Variants in LMO7 observed in about 807,000 individuals in gnomAD.
The protein encoded by LMO7 is LIM domain only protein 7.
Under a neutral mutation model 206.5 loss-of-function variants are expected in LMO7, and 120 were observed. The ratio of observed to expected loss-of-function variants is 0.58; its 90% CI spans 0.50 to 0.68. The LOEUF (loss-of-function observed/expected upper bound fraction) is 0.68. Ranked by LOEUF, LMO7 falls within the 30% of genes least tolerant of loss-of-function variation. The pLI is 0.00. For synonymous variants in LMO7, 706 were observed against 681.5 expected (o/e 1.04, Z -0.56); for missense variants, 1,959 against 1,957.9 (o/e 1.00, Z -0.01).
intron 2 of LMO7, 133 bp downstream of exon 2, chr13:75,713,385 C>T: frequency 1.8e-6 from 1 of 549,220 alleles, no homozygotes; most frequent in Non-Finnish European, 3.2e-6. Context: ...GAGATTTGAT[C>T]CCTGCAAATT....
chr13:75,756,422 T>C (rs1566392844), intron 3 of LMO7, among the ~76,000 whole-genome samples: 1 of 152,294 alleles, frequency 6.6e-6, no homozygotes, highest in East Asian at 1.9e-4. Flanking sequence ...AGAAGTAGAT[T>C]GAAAAACCTA....
chr13:75,802,851 G>C (rs868127684), intron 7 of LMO7, among the ~76,000 whole-genome samples: 1 of 151,942 alleles, frequency 6.6e-6, no homozygotes, highest in Non-Finnish European at 1.5e-5. Context: ...TATAATGTAG[G>C]GTAATATTTT....
intron 4 of LMO7, among the ~76,000 whole-genome samples, chr13:75,782,422 T>C (rs1176145972): frequency 1.3e-5 from 2 of 152,234 alleles, no homozygotes; most frequent in Middle Eastern, 3.2e-3. Context: ...CTCATTAAGC[T>C]TCAGTCTCAC....
chr13:75,710,835 G>A (rs887466377), intron 1 of LMO7, among the ~76,000 whole-genome samples: 12 of 152,030 alleles, frequency 7.9e-5, no homozygotes, highest in Non-Finnish European at 2.9e-5. Flanking sequence ...CCAACACTAT[G>A]TTGAATAGGA....
At chr13:75,798,374 A>G (rs747412171) in intron 6 of LMO7, among the ~76,000 whole-genome samples, 3 of 152,108 alleles carry the variant, frequency 2.0e-5, no homozygotes, top group East Asian at 3.9e-4. Context: ...CAAACAAAAA[A>G]CCATGTGGGA....
chr13:75,764,666 T>A (rs896913273), intron 4 of LMO7, among the ~76,000 whole-genome samples: 1 of 152,178 alleles, frequency 6.6e-6, no homozygotes, highest in African/African-American at 2.4e-5. Context: ...TTTAAACCAT[T>A]GCTCTATATA....
At chr13:75,708,500 C>A (rs1278943222) in intron 1 of LMO7, among the ~76,000 whole-genome samples, 1 of 152,148 alleles carries the variant, frequency 6.6e-6, no homozygotes, top group Non-Finnish European at 1.5e-5. Context: ...CTCTGAGGGG[C>A]TTTGCTATGA....
At chr13:75,779,115 C>T (rs775799191) in intron 4 of LMO7, among the ~76,000 whole-genome samples, 3 of 152,086 alleles carry the variant, frequency 2.0e-5, no homozygotes, top group Non-Finnish European at 2.9e-5. Context: ...GCTCCTCACC[C>T]AAGTGCATGC....
intron 27 of LMO7, among the ~76,000 whole-genome samples, 180 bp downstream of exon 27, chr13:75,849,472 A>G (rs926287163): frequency 6.6e-6 from 1 of 151,876 alleles, no homozygotes; most frequent in Non-Finnish European, 1.5e-5. Flanking sequence ...TGAGGTAGGG[A>G]TAATAATTCT....
intron 3 of LMO7, among the ~76,000 whole-genome samples, chr13:75,732,228 T>A (rs961198271): frequency 3.3e-5 from 5 of 152,222 alleles, no homozygotes; most frequent in African/African-American, 1.2e-4. Context: ...GTTTTCCAAC[T>A]TGGTTCCATT....
At chr13:75,732,286 T>G (rs1424006161) in intron 3 of LMO7, among the ~76,000 whole-genome samples, 1 of 152,242 alleles carries the variant, frequency 6.6e-6, no homozygotes, top group Non-Finnish European at 1.5e-5. Flanking sequence ...TTTGGTCTTT[T>G]CACATAGTCC....
intron 1 of LMO7, among the ~76,000 whole-genome samples, chr13:75,671,189 GA>G (rs1347348674): frequency 3.4e-5 from 5 of 148,430 alleles, no homozygotes; most frequent in African/African-American, 1.2e-4. Context: ...GGACTGGCCT[GA>G]CACTGTTTTA....
chr13:75,715,039 T>C (rs2043419794), intron 2 of LMO7, among the ~76,000 whole-genome samples: 1 of 152,230 alleles, frequency 6.6e-6, no homozygotes, highest in Admixed American at 6.5e-5. Context: ...TTCAAAGAAG[T>C]AATTTTGTAG....
intron 3 of LMO7, among the ~76,000 whole-genome samples, chr13:75,746,382 G>T (rs2046839022): frequency 6.6e-6 from 1 of 152,312 alleles, no homozygotes; most frequent in African/African-American, 2.4e-5. Flanking sequence ...GTGATCACTG[G>T]AAGCCAGCCT....
At chr13:75,632,677 T>TA (rs1241702676), upstream of LMO7, among the ~76,000 whole-genome samples, 1 of 152,218 alleles carries the variant, frequency 6.6e-6, no homozygotes, top group African/African-American at 2.4e-5. Flanking sequence ...CAAAGCTAGT[T>TA]ACACAGCAGC....
intron 2 of LMO7, among the ~76,000 whole-genome samples, chr13:75,720,458 A>T (rs2043927201): frequency 6.6e-6 from 1 of 152,128 alleles, no homozygotes; most frequent in African/African-American, 2.4e-5. Flanking sequence ...GAGTTTTAAT[A>T]GTTTTTGGTT....
chr13:75,711,636 C>A (rs1026284478), intron 1 of LMO7, among the ~76,000 whole-genome samples: 1 of 152,212 alleles, frequency 6.6e-6, no homozygotes, highest in Non-Finnish European at 1.5e-5. Context: ...CCTGCACCCA[C>A]TCCCCAGTGA....
At position 75,841,997 on chromosome 13, in the gene LMO7, G is replaced by A. The variant is rs1474116358; in HGVS notation, c.4031+14G>A. 1.3e-6 allele frequency: 2 copies of A among 1,589,102 alleles called. No homozygotes were observed. The highest frequency in any genetic ancestry group is 3.4e-5 in the Admixed American group (2 of 59,120). On this transcript the variant is annotated intron_variant, in intron 24 of 30. Transcript: ENST00000377534. ...CCAGTACAGGAGGTATGTCCCCACA[G>A]CCAGAGGGTACAAAGGCTTAGCTGT... is the stretch of plus-strand genomic sequence containing the variant.
intron 2 of LMO7, among the ~76,000 whole-genome samples, chr13:75,717,052 C>A (rs1204753955): frequency 6.6e-6 from 1 of 151,864 alleles, no homozygotes; most frequent in Non-Finnish European, 1.5e-5. Context: ...CCTTTTTGAA[C>A]ACATGACTCA....
Sources: allele counts gnomAD v4.1 joint callset (sites outside exome capture counted in the v4.1 genomes callset), GRCh38; gene constraint gnomAD v4.1.1; transcripts MANE v1.5; gene names NCBI Gene and HGNC (gene_info 2026-07-23, HGNC 2026-07-21).